The following OPCML variants were observed in gnomAD, a reference collection of about 807,000 sequenced individuals.
The protein encoded by OPCML is opioid-binding protein/cell adhesion molecule.
A neutral mutation model predicts 37.8 loss-of-function variants in OPCML; 13 were observed. That is an observed-to-expected ratio of 0.34 (90% CI 0.22 to 0.55). The LOEUF is 0.55. Ranked by LOEUF, OPCML falls within the 20% of genes least tolerant of loss-of-function variation. OPCML has a pLI of 0.91. For synonymous variants in OPCML, 176 were observed against 168.8 expected (o/e 1.04, Z -0.33); for missense variants, 341 against 435.6 (o/e 0.78, Z 1.93).
chr11:132,561,207 G>A (rs912988777), intron 3 of OPCML, among the ~76,000 whole-genome samples: 2 of 152,044 alleles, frequency 1.3e-5, no homozygotes, highest in African/African-American at 4.8e-5. Flanking sequence ...TCTTCATTTT[G>A]GCTCTTACCC....
chr11:132,849,105 G>C (rs986818174), intron 2 of OPCML, among the ~76,000 whole-genome samples: 3 of 152,188 alleles, frequency 2.0e-5, no homozygotes, highest in Non-Finnish European at 4.4e-5. Context: ...CTAAAATGTA[G>C]TTCGCTTCAT....
chr11:132,951,246 C>T (rs60801534), intron 1 of OPCML, among the ~76,000 whole-genome samples: 3,946 of 152,274 alleles, frequency 0.026, 164 homozygotes, highest in African/African-American at 0.087. Context: ...TAACAAAATA[C>T]TGCAGACTAG....
chr11:133,115,755 A>C (rs914463445), intron 1 of OPCML, among the ~76,000 whole-genome samples: 1 of 152,150 alleles, frequency 6.6e-6, no homozygotes, highest in Non-Finnish European at 1.5e-5. Flanking sequence ...TTAAACTTAG[A>C]GGAAAAACAT....
intron 1 of OPCML, among the ~76,000 whole-genome samples, chr11:133,518,695 G>A (rs1369403064): frequency 4.1e-5 from 6 of 145,796 alleles, no homozygotes; most frequent in East Asian, 2.0e-4. Context: ...GGGCTGTGGC[G>A]TGGGCAGTGG....
At chr11:132,806,203 A>G (rs1938996826) in intron 2 of OPCML, among the ~76,000 whole-genome samples, 1 of 152,124 alleles carries the variant, frequency 6.6e-6, no homozygotes, top group African/African-American at 2.4e-5. Context: ...AAAACAACAA[A>G]AGATAAAACA....
chr11:133,082,592 C>T (rs1413556612), intron 1 of OPCML, among the ~76,000 whole-genome samples: 4 of 125,866 alleles, frequency 3.2e-5, no homozygotes, highest in African/African-American at 9.6e-5. Context: ...CCTCTCCTCC[C>T]CCTCGCCCAT....
chr11:133,230,356 C>T (rs971216539), intron 1 of OPCML, among the ~76,000 whole-genome samples: 7 of 152,050 alleles, frequency 4.6e-5, no homozygotes, highest in African/African-American at 1.2e-4. Context: ...GTGGCAAAGG[C>T]ATTCACCCTC....
rs573421127 is a variant in OPCML at position 133,062,048 on chromosome 11, C to T, written c.62-119038G>A. 6.6e-5 allele frequency among the ~76,000 whole-genome samples: 10 copies of T among 152,270 alleles called. 1 individual carries two copies. The highest frequency in any genetic ancestry group is 6.5e-4 in the Admixed American group (10 of 15,298). ...TTCCTAGCACTGGGTGTAAAGACAC[C>T]TTTCCTAGTGAAACTGTTAGCCTGG... On this transcript the variant is annotated intron_variant, in intron 1 of 7. Coordinates refer to ENST00000524381, the MANE Select transcript of OPCML (RefSeq NM_001012393.5).
At position 132,415,339 on chromosome 11, in the gene OPCML, T is replaced by C. The variant is rs938903433; in HGVS notation, c.*4854A>G. The C allele has an allele frequency of 6.6e-6, 1 of 152,466 alleles. No individual in the cohort carries two copies. The highest frequency in any genetic ancestry group is 2.4e-5 in the African/African-American group (1 of 41,430). 9.4% of individuals were successfully genotyped at this position (152,466 alleles called of 1,614,324 possible). A position where few individuals can be genotyped will look rare whatever the true frequency, so the allele number is the denominator to read the frequency against. On this transcript the variant is annotated 3_prime_UTR_variant, in exon 8 of 8. Coordinates refer to ENST00000524381, the MANE Select transcript of OPCML (RefSeq NM_001012393.5). ...CCATTGATAAGTCATAATTTTTTTT[T>C]AAATCTAAAGGACTCTGAACTTGAC...
intron 1 of OPCML, among the ~76,000 whole-genome samples, chr11:133,002,301 G>C (rs1464904826): frequency 6.6e-6 from 1 of 152,184 alleles, no homozygotes; most frequent in Non-Finnish European, 1.5e-5. Context: ...TTTCAGAGCT[G>C]CTGAGGTGCA....
At chr11:133,410,744 G>T (rs1228637730) in intron 1 of OPCML, among the ~76,000 whole-genome samples, 1 of 146,860 alleles carries the variant, frequency 6.8e-6, no homozygotes, top group Non-Finnish European at 1.5e-5. Context: ...TCTCCAAAAT[G>T]GGCTTTAAAG....
chr11:132,554,336 C>T (rs1425038475), intron 3 of OPCML, among the ~76,000 whole-genome samples: 2 of 152,180 alleles, frequency 1.3e-5, no homozygotes, highest in Non-Finnish European at 2.9e-5. Context: ...AGGCCTCAGC[C>T]CCTGGCACAA....
At chr11:133,166,262 G>C (rs1341203952) in intron 1 of OPCML, among the ~76,000 whole-genome samples, 1 of 152,210 alleles carries the variant, frequency 6.6e-6, no homozygotes, top group Non-Finnish European at 1.5e-5. Context: ...CATTTCTATA[G>C]TAATTCCTAG....
chr11:133,433,242 A>G (rs1157270300), intron 1 of OPCML, among the ~76,000 whole-genome samples: 2 of 138,350 alleles, frequency 1.4e-5, no homozygotes, highest in Non-Finnish European at 3.0e-5. Context: ...ACAGAGCGAG[A>G]CTCCGTCTCA....
chr11:133,176,236 A>G (rs1261747835), intron 1 of OPCML, among the ~76,000 whole-genome samples: 1 of 152,072 alleles, frequency 6.6e-6, no homozygotes, highest in African/African-American at 2.4e-5. Flanking sequence ...TTTTTAAGAT[A>G]GTCTGTGCAA....
At chr11:132,428,016 A>C (rs1005524039) in intron 7 of OPCML, among the ~76,000 whole-genome samples, 2 of 152,214 alleles carry the variant, frequency 1.3e-5, no homozygotes, top group Non-Finnish European at 2.9e-5. Context: ...AAAAATAAAA[A>C]TCATACACGT....
intron 1 of OPCML, among the ~76,000 whole-genome samples, chr11:132,998,187 A>C (rs1946921984): frequency 6.6e-6 from 1 of 152,142 alleles, no homozygotes; most frequent in Non-Finnish European, 1.5e-5. Flanking sequence ...GGTTCCACTC[A>C]TGAGGGAGCC....
chr11:133,398,569 C>T (rs1197913775), intron 1 of OPCML, among the ~76,000 whole-genome samples: 1 of 151,974 alleles, frequency 6.6e-6, no homozygotes, highest in South Asian at 2.1e-4. Flanking sequence ...AATTCCTTCT[C>T]TCTATTCAAG....
rs140809727 is a variant in OPCML, at chr11:132,956,798, G to A, written c.62-13788C>T. 1.9e-3 allele frequency among the ~76,000 whole-genome samples: 288 copies of A among 152,156 alleles called. 8 individuals are homozygous for A. In the East Asian group the frequency reaches 0.039, roughly 21 times the overall value. The stretch of plus-strand genomic sequence containing the variant: ...CCCAGCAACTCTAGTTTCCTGTCTT[G>A]GCTGGATGGAATCAGTTTTACAAAG... On this transcript the variant is annotated intron_variant, in intron 1 of 7. Transcript: ENST00000524381.
Sources: gnomAD v4.1 joint callset for allele counts (sites outside exome capture counted in the v4.1 genomes callset) on GRCh38, gnomAD v4.1.1 for gene constraint, MANE v1.5 for transcripts, NCBI Gene and HGNC (gene_info 2026-07-23, HGNC 2026-07-21) for gene names.